Variants in PCDH19 observed in about 807,000 individuals in gnomAD.
The protein encoded by PCDH19 is protocadherin-19.
Under a neutral mutation model 46.2 loss-of-function variants are expected in PCDH19, and 6 were observed. The ratio of observed to expected loss-of-function variants is 0.13; its 90% confidence interval spans 0.07 to 0.26. The LOEUF is 0.26. Among genes scored for constraint, PCDH19 ranks in the 10% least tolerant of loss-of-function variants. The pLI, the probability that PCDH19 is intolerant of heterozygous loss-of-function variation, is 1.00. For missense variants in PCDH19, 740 were observed against 972.3 expected, an observed-to-expected ratio of 0.76 and a Z score of 3.18; for synonymous variants, 481 against 415.7, an observed-to-expected ratio of 1.16 and a Z score of -1.91.
At chrX:100,376,901 G>A (rs1260732551) in intron 3 of PCDH19, among the ~76,000 whole-genome samples, 2 of 112,331 alleles carry the variant, frequency 1.8e-5, no homozygotes, top group East Asian at 5.6e-4. Flanking sequence ...ATCACAACTG[G>A]TAATGCCTTC....
intron 3 of PCDH19, among the ~76,000 whole-genome samples, chrX:100,358,787 A>G (rs1340372507): frequency 8.9e-6 from 1 of 112,491 alleles, no homozygotes; most frequent in African/African-American, 3.2e-5. Context: ...GTACAAATGC[A>G]GAATCAACAA....
chrX:100,407,541 T>A lies in PCDH19; in HGVS notation c.1057A>T (p.Ser353Cys). Residue 353 changes from serine to cysteine, a missense_variant, in exon 1 of 6, where the codon AGT becomes TGT. Physicochemically the swap from Ser to Cys is moderately radical, Grantham distance 112 (BLOSUM62 -1). Transcript: ENST00000373034. ...PPVINLLSVN[S>C]ELVEVSESAP... Reference sequence around the variant, plus strand: ...CTCTCGCTGACCTCCACAAGCTCACTGTTGACTGACAGCAGGTTGATGACC... The same window carrying A: ...CTCTCGCTGACCTCCACAAGCTCACAGTTGACTGACAGCAGGTTGATGACC... 1 of 1,211,463 alleles carries A rather than the reference T, an allele frequency of 8.3e-7. No homozygotes were observed. The highest frequency in any genetic ancestry group is 1.1e-6 in the Non-Finnish European group (1 of 895,489).
chrX:100,376,230 C>T (rs1405080750), intron 3 of PCDH19, among the ~76,000 whole-genome samples: 1 of 85,283 alleles, frequency 1.2e-5, no homozygotes, highest in Non-Finnish European at 2.2e-5. Context: ...AGTGAAACTC[C>T]GTCTCAAAAA....
At chrX:100,350,543 T>C (rs1926537725) in intron 4 of PCDH19, 103 bp downstream of exon 4, 1 of 595,522 alleles carries the variant, frequency 1.7e-6, no homozygotes, top group Admixed American at 2.8e-5. Context: ...GGACATTCAT[T>C]TTAAAATCCC....
At chrX:100,322,204 T>C (rs1925512818) in intron 5 of PCDH19, among the ~76,000 whole-genome samples, 1 of 111,720 alleles carries the variant, frequency 9.0e-6, no homozygotes, top group African/African-American at 3.3e-5. Context: ...GTTTCAGGTC[T>C]TAGATTTAAG....
chrX:100,406,938 GGAT>G lies in PCDH19; in HGVS notation c.1657_1659del (p.Ile553del), dbSNP rs1928373153. 8.3e-7 allele frequency: 1 copy of G among 1,210,001 alleles called. No individual in the cohort carries two copies. Among genetic ancestry groups the G allele is most frequent in the African/African-American group, 1.7e-5 (1 of 57,169 alleles). On this transcript the variant is annotated inframe_deletion, in exon 1 of 6. Coordinates refer to ENST00000373034, the MANE Select transcript of PCDH19 (RefSeq NM_001184880.2). ...ACCGGGGTGTTGTCGTTGACGTCGAGGATGATGACCCGCACCGTAGCGTTGCTT... is the reference window on the plus strand; with the variant it reads ...ACCGGGGTGTTGTCGTTGACGTCGAGGATGACCCGCACCGTAGCGTTGCTT...
chrX:100,386,263 G>T (rs1169154957), intron 3 of PCDH19, among the ~76,000 whole-genome samples: 1 of 111,082 alleles, frequency 9.0e-6, no homozygotes, highest in Non-Finnish European at 1.9e-5. Context: ...AAGGCCTTTT[G>T]GTCTGTCTGG....
At chrX:100,308,773 A>C (rs1300359689) in intron 5 of PCDH19, among the ~76,000 whole-genome samples, 1 of 111,953 alleles carries the variant, frequency 8.9e-6, no homozygotes, top group Non-Finnish European at 1.9e-5. Flanking sequence ...CAAGCATATG[A>C]AAAAATGCTC....
At chrX:100,394,558 G>A (rs952821540) in intron 3 of PCDH19, among the ~76,000 whole-genome samples, 18 of 111,708 alleles carry the variant, frequency 1.6e-4, no homozygotes, top group Non-Finnish European at 3.2e-4. Flanking sequence ...AAAAAAATTC[G>A]TGATGGGCTT....
At chrX:100,327,077 T>C (rs1196299458) in intron 5 of PCDH19, among the ~76,000 whole-genome samples, 3 of 112,017 alleles carry the variant, frequency 2.7e-5, no homozygotes, top group Non-Finnish European at 5.6e-5. Flanking sequence ...AACTGTAAAA[T>C]GAAATGCCTC....
In PCDH19 at chrX:100,392,844, T is replaced by TA. The variant is rs771323357; in HGVS notation, c.2616+9679dup. ...GCTAGATTACGGACATTTTTAGTTA[T>TA]AAAAAAGCCTCTTAAAGGTTAAGCC... On this transcript the variant is annotated intron_variant, in intron 3 of 5. Transcript: ENST00000373034. Among the ~76,000 whole-genome samples, 87 of 111,615 alleles carry TA rather than the reference T, an allele frequency of 7.8e-4. 1 individual carries two copies. The Middle Eastern group carries it at 0.018, about 23-fold the overall frequency.
intron 5 of PCDH19, among the ~76,000 whole-genome samples, chrX:100,303,063 C>T (rs1422180611): frequency 9.0e-6 from 1 of 111,288 alleles, no homozygotes; most frequent in East Asian, 2.8e-4. Context: ...CATTAAGTGT[C>T]CTCTTAGCCT....
intron 3 of PCDH19, among the ~76,000 whole-genome samples, chrX:100,384,571 CTTT>C (rs965638666): frequency 9.1e-6 from 1 of 109,923 alleles, no homozygotes; most frequent in Non-Finnish European, 1.9e-5. Flanking sequence ...GTGCCCTACG[CTTT>C]TTTTTGAATC....
intron 5 of PCDH19, among the ~76,000 whole-genome samples, chrX:100,341,601 G>T (rs1296763792): frequency 8.9e-6 from 1 of 111,766 alleles, no homozygotes; most frequent in African/African-American, 3.2e-5. Flanking sequence ...CTGGAGAGAA[G>T]GCATCTGTTC....
intron 5 of PCDH19, among the ~76,000 whole-genome samples, chrX:100,325,518 C>T (rs1007682249): frequency 4.5e-5 from 5 of 110,201 alleles, no homozygotes; most frequent in African/African-American, 1.3e-4. Flanking sequence ...TACAGGCATG[C>T]GCCACCAATC....
At chrX:100,371,195 TG>T (rs1927215330) in intron 3 of PCDH19, among the ~76,000 whole-genome samples, 3 of 111,754 alleles carry the variant, frequency 2.7e-5, no homozygotes, top group Admixed American at 1.9e-4. Flanking sequence ...CATGTCATCG[TG>T]GTCCTTCCTA....
In PCDH19 at chrX:100,406,938, G is replaced by A. The variant is rs780871352; in HGVS notation, c.1660C>T (p.Leu554Phe). 4 of 1,210,001 alleles carry A rather than the reference G, an allele frequency of 3.3e-6. No homozygotes were observed. The East Asian group carries it at 1.2e-4, about 36-fold the overall frequency. Residue 554 changes from leucine to phenylalanine, a missense_variant, in exon 1 of 6, where the codon CTC (leucine) becomes TTC (phenylalanine). Physicochemically the swap from Leu to Phe is conservative, Grantham distance 22. This residue lies in a region of PCDH19 where 186 missense variants were observed against 319.9 expected (regional missense o/e 0.58). Transcript: ENST00000373034. ...ACCGGGGTGTTGTCGTTGACGTCGA[G>A]GATGATGACCCGCACCGTAGCGTTG... ...QSNATVRVII[L>F]DVNDNTPVIT...
intron 4 of PCDH19, among the ~76,000 whole-genome samples, chrX:100,347,919 A>T (rs1926455242): frequency 9.2e-6 from 1 of 108,245 alleles, no homozygotes; most frequent in Admixed American, 9.9e-5. Flanking sequence ...AAAAAAAATT[A>T]GCCAGGCACG....
intron 3 of PCDH19, among the ~76,000 whole-genome samples, chrX:100,369,537 G>C (rs1354366821): frequency 8.9e-6 from 1 of 112,224 alleles, no homozygotes; most frequent in African/African-American, 3.2e-5. Flanking sequence ...ATAAATATTT[G>C]TACTCAACGT....
Sources: gnomAD v4.1 joint callset for allele counts (sites outside exome capture counted in the v4.1 genomes callset) on GRCh38, gnomAD v4.1.1 for gene constraint, gnomAD v4.1.1 regional missense constraint, MANE v1.5 for transcripts, NCBI Gene and HGNC (gene_info 2026-07-23, HGNC 2026-07-21) for gene names.